The following GDAP1 variants were observed in gnomAD, a reference collection of about 807,000 sequenced individuals.
GDAP1 encodes ganglioside-induced differentiation-associated protein 1.
Under a neutral mutation model 40.1 loss-of-function variants are expected in GDAP1, and 34 were observed. The observed-to-expected ratio is 0.85, with a 90% confidence interval of 0.64 to 1.13. The LOEUF (loss-of-function observed/expected upper bound fraction) is 1.13. Ranked by LOEUF, GDAP1 falls within the 50% of genes most tolerant of loss-of-function variation. The pLI is 0.00. For synonymous variants in GDAP1, 170 were observed against 157.4 expected, an observed-to-expected ratio of 1.08 and a Z score of -0.60; for missense variants, 374 against 433.7, an observed-to-expected ratio of 0.86 and a Z score of 1.22.
At chr8:74,462,140 G>A (rs2131580329) in intron 2 of GDAP1, among the ~76,000 whole-genome samples, 1 of 152,310 alleles carries the variant, frequency 6.6e-6, no homozygotes, top group South Asian at 2.1e-4. Context: ...AGATTTAAAA[G>A]AGTTAAGAAT....
At chr8:74,416,902 G>GTT (rs1323353491) in intron 2 of GDAP1, among the ~76,000 whole-genome samples, 1 of 135,274 alleles carries the variant, frequency 7.4e-6, no homozygotes. Flanking sequence ...CTTATGAAAA[G>GTT]TTTTTTTTTT....
chr8:74,384,600 A>G (rs1809998714), intron 2 of GDAP1, among the ~76,000 whole-genome samples: 1 of 152,214 alleles, frequency 6.6e-6, no homozygotes, highest in Admixed American at 6.5e-5. Context: ...TGAACCACAC[A>G]TGGATTTCAA....
intron 2 of GDAP1, among the ~76,000 whole-genome samples, chr8:74,451,451 GAAAA>G (rs11323370): frequency 2.1e-5 from 1 of 47,412 alleles, no homozygotes; most frequent in Non-Finnish European, 3.8e-5. Context: ...CCCTGTCTCA[GAAAA>G]AAAAAAAAAA....
intron 2 of GDAP1, among the ~76,000 whole-genome samples, chr8:74,468,928 G>T (rs1806508636): frequency 6.6e-6 from 1 of 152,084 alleles, no homozygotes; most frequent in Non-Finnish European, 1.5e-5. Flanking sequence ...TTTGGGCAAA[G>T]AATATTTTCT....
downstream of GDAP1, among the ~76,000 whole-genome samples, chr8:74,368,855 T>A (rs1417258691): frequency 1.3e-5 from 2 of 152,162 alleles, no homozygotes; most frequent in East Asian, 3.9e-4. Flanking sequence ...GGCCTCTACC[T>A]CCTAAATGCC....
Position 74,365,591 on chromosome 8 carries a change from A to G in GDAP1, c.*1224A>G, listed in dbSNP as rs1307498295. On this transcript the variant is annotated 3_prime_UTR_variant, in exon 6 of 6. Transcript: ENST00000220822. ...CTGGTGTCTGGTGGGTAGCAGGCAT[A>G]GAGATGATGTGCCGAGGTCCCAGTG... 7 of 454,394 alleles carry G rather than the reference A, an allele frequency of 1.5e-5. No homozygotes were observed. The highest frequency in any genetic ancestry group is 1.2e-4 in the Admixed American group (5 of 42,546). The allele number at this position is 454,394 out of a possible 1,614,324, so 28.1% of individuals were successfully genotyped here.
intron 2 of GDAP1, among the ~76,000 whole-genome samples, chr8:74,413,088 A>AAAAAAAAT (rs1491134037): frequency 6.8e-6 from 1 of 147,120 alleles, no homozygotes; most frequent in Non-Finnish European, 1.5e-5. Flanking sequence ...AAAAAAAAAA[A>AAAAAAAAT]GATTTCTGAA....
intron 2 of GDAP1, among the ~76,000 whole-genome samples, chr8:74,432,105 T>G (rs1194833711): frequency 6.6e-6 from 1 of 152,156 alleles, no homozygotes; most frequent in African/African-American, 2.4e-5. Flanking sequence ...AGGGTCTCTC[T>G]CTCCCTCTGA....
intron 3 of GDAP1, 111 bp from the exon 4 acceptor site, chr8:74,361,773 G>A: frequency 1.4e-6 from 1 of 731,022 alleles, no homozygotes. Flanking sequence ...AGAGAAGCAG[G>A]GCATGAGCCC....
At chr8:74,456,251 A>T (rs1806335157) in intron 2 of GDAP1, among the ~76,000 whole-genome samples, 1 of 151,954 alleles carries the variant, frequency 6.6e-6, no homozygotes, top group Non-Finnish European at 1.5e-5. Context: ...CTGGACTTAT[A>T]AAGAGGCAAT....
rs181157785 is a variant in GDAP1, at chr8:74,363,052, A to G, written c.693A>G (p.Pro231=). 7.6e-7 allele frequency: 1 copy of G among 1,312,644 alleles called. No individual in the cohort carries two copies. The highest frequency in any genetic ancestry group is 1.1e-6 in the Non-Finnish European group (1 of 904,838). The allele number at this position is 1,312,644 out of a possible 1,614,324, so 81.3% of individuals were successfully genotyped here. ...TGCAAAGAAGAAATGAAGAAACCCCAGGTAGGTTCTCATTTATATTCTTTC... is the reference window on the plus strand; with the variant it reads ...TGCAAAGAAGAAATGAAGAAACCCCGGGTAGGTTCTCATTTATATTCTTTC... ...TELQRRNEET[P]EEGQQPWLCG... Residue 231 remains proline (P), a splice_region_variant and synonymous_variant, in exon 5 of 6, where the codon CCA becomes CCG. Coordinates refer to ENST00000220822, the MANE Select transcript of GDAP1 (RefSeq NM_018972.4).
In GDAP1 at chr8:74,474,964, G is replaced by T. The variant is rs150571871; in HGVS notation, c.166-13714G>T. ...GCTATTTATTACTGATTCAATTTTGGCGCTCATTGTTGGTCTGTTCAGTCT... is the reference window on the plus strand; with the variant it reads ...GCTATTTATTACTGATTCAATTTTGTCGCTCATTGTTGGTCTGTTCAGTCT... On this transcript the variant is annotated intron_variant, in intron 2 of 2. Transcript: ENST00000523640. 2.0e-5 allele frequency among the ~76,000 whole-genome samples: 3 copies of T among 152,122 alleles called. No homozygotes were observed. In the East Asian group the frequency reaches 5.8e-4, roughly 29 times the overall value.
chr8:74,416,488 C>G (rs1213560599), intron 2 of GDAP1, among the ~76,000 whole-genome samples: 1 of 150,262 alleles, frequency 6.7e-6, no homozygotes, highest in Non-Finnish European at 1.5e-5. Flanking sequence ...CTGCAGCACC[C>G]GGGCTAACCA....
intron 2 of GDAP1, among the ~76,000 whole-genome samples, chr8:74,463,444 G>T (rs554641609): frequency 7.1e-6 from 1 of 140,932 alleles, no homozygotes; most frequent in African/African-American, 2.7e-5. Flanking sequence ...TTGGGTGACA[G>T]AGCGAGACCC....
chr8:74,459,602 T>C (rs894149967), intron 2 of GDAP1, among the ~76,000 whole-genome samples: 1 of 152,106 alleles, frequency 6.6e-6, no homozygotes, highest in Non-Finnish European at 1.5e-5. Context: ...CTAATACTAT[T>C]TAGGGACTTT....
intron 2 of GDAP1, among the ~76,000 whole-genome samples, chr8:74,445,387 T>A (rs770631171): frequency 6.6e-6 from 1 of 152,224 alleles, no homozygotes; most frequent in Non-Finnish European, 1.5e-5. Flanking sequence ...TCTTTTCTAC[T>A]GGATAGAGAG....
chr8:74,479,257 A>G (rs1161274506), intron 2 of GDAP1, among the ~76,000 whole-genome samples: 3 of 152,058 alleles, frequency 2.0e-5, no homozygotes, highest in African/African-American at 7.2e-5. Context: ...TTTGTATTTA[A>G]TTTCTACTTT....
intron 2 of GDAP1, among the ~76,000 whole-genome samples, chr8:74,436,716 C>T (rs759923794): frequency 3.3e-5 from 5 of 152,154 alleles, no homozygotes; most frequent in Non-Finnish European, 7.3e-5. Context: ...GCCACTGCGC[C>T]CGGCCACCAT....
intron 2 of GDAP1, among the ~76,000 whole-genome samples, chr8:74,377,708 T>G (rs756449075): frequency 6.6e-6 from 1 of 152,208 alleles, no homozygotes; most frequent in Non-Finnish European, 1.5e-5. Flanking sequence ...TGGAAAACAG[T>G]GTGGCAGTTT....
Sources: gnomAD v4.1 joint callset for allele counts (sites outside exome capture counted in the v4.1 genomes callset) on GRCh38, gnomAD v4.1.1 for gene constraint, MANE v1.5 for transcripts, NCBI Gene and HGNC (gene_info 2026-07-23, HGNC 2026-07-21) for gene names.